Variants in C10orf90 observed in about 807,000 individuals in gnomAD.
C10orf90 encodes (E2-independent) E3 ubiquitin-conjugating enzyme FATS.
A neutral mutation model predicts 62.5 loss-of-function variants in C10orf90; 56 were observed. That is an observed-to-expected ratio of 0.90 (90% CI 0.72 to 1.12). The LOEUF (loss-of-function observed/expected upper bound fraction) is 1.12. Among genes scored for constraint, C10orf90 ranks in the 50% most tolerant of loss-of-function variants. The probability of loss-of-function intolerance (pLI) is 0.00; values close to 1 mark genes in which losing one functional copy is unlikely to be tolerated. For missense variants in C10orf90, 970 were observed against 880.4 expected (o/e 1.10, Z -1.29); for synonymous variants, 386 against 340.4 (o/e 1.13, Z -1.47).
chr10:126,462,148 T>A (rs149867310), intron 5 of C10orf90, among the ~76,000 whole-genome samples: 2,189 of 152,212 alleles, frequency 0.014, 44 homozygotes, highest in African/African-American at 0.049. Context: ...AATGAATGGA[T>A]CCAACAGCAT....
At chr10:126,486,497 G>A (rs1861441705) in intron 4 of C10orf90, among the ~76,000 whole-genome samples, 1 of 152,130 alleles carries the variant, frequency 6.6e-6, no homozygotes, top group African/African-American at 2.4e-5. Context: ...ACACACATAT[G>A]CCTCAGATAA....
intron 2 of C10orf90, among the ~76,000 whole-genome samples, chr10:126,565,326 TA>T (rs1264496465): frequency 8.2e-5 from 4 of 49,060 alleles, no homozygotes; most frequent in Non-Finnish European, 1.3e-4. Context: ...ATATATTATA[TA>T]TTTATATTAT....
intron 2 of C10orf90, among the ~76,000 whole-genome samples, chr10:126,595,259 G>T (rs563339326): frequency 1.8e-4 from 28 of 152,252 alleles, no homozygotes; most frequent in African/African-American, 6.3e-4. Context: ...ATTTCAGAAA[G>T]TGGGGAAAAG....
At chr10:126,624,408 C>T (rs1462197247) in intron 2 of C10orf90, among the ~76,000 whole-genome samples, 1 of 151,998 alleles carries the variant, frequency 6.6e-6, no homozygotes, top group South Asian at 2.1e-4. Context: ...AGGATGATGA[C>T]GAGATAGTAC....
chr10:126,480,583 C>T (rs1288882632), intron 4 of C10orf90, among the ~76,000 whole-genome samples: 3 of 152,240 alleles, frequency 2.0e-5, no homozygotes, highest in Admixed American at 6.5e-5. Flanking sequence ...GGTGAACATA[C>T]AGCGGCCTGC....
chr10:126,457,432 C>T lies in C10orf90; in HGVS notation c.2188+1608G>A, dbSNP rs542681418. Reference sequence around the variant, plus strand: ...CTTGTGGCTGGCAGAATGGCACAGCCGGGAGGTGCTGGCCCAGAAGAGGAG... The same window carrying T: ...CTTGTGGCTGGCAGAATGGCACAGCTGGGAGGTGCTGGCCCAGAAGAGGAG... On this transcript the variant is annotated intron_variant, in intron 7 of 9. Coordinates refer to ENST00000488181, the MANE Select transcript of C10orf90 (RefSeq NM_001350921.2). 1.4e-3 allele frequency among the ~76,000 whole-genome samples: 211 copies of T among 152,260 alleles called. 1 individual carries two copies. Among genetic ancestry groups the T allele is most frequent in the African/African-American group, 4.8e-3 (200 of 41,558 alleles).
chr10:126,614,248 T>C (rs549417115), intron 2 of C10orf90, among the ~76,000 whole-genome samples: 4 of 152,152 alleles, frequency 2.6e-5, no homozygotes, highest in African/African-American at 7.2e-5. Context: ...TAAAGTCTTA[T>C]CCTCACTTTA....
chr10:126,476,771 A>G (rs1470416398), intron 4 of C10orf90, among the ~76,000 whole-genome samples: 2 of 152,206 alleles, frequency 1.3e-5, no homozygotes, highest in Non-Finnish European at 2.9e-5. Context: ...CCTTGAGACC[A>G]CTTAGGTATA....
intron 2 of C10orf90, among the ~76,000 whole-genome samples, chr10:126,562,872 G>A (rs1591100232): frequency 6.6e-6 from 1 of 152,182 alleles, no homozygotes; most frequent in Non-Finnish European, 1.5e-5. Flanking sequence ...GGCTGCACTC[G>A]CACACAGCGC....
chr10:126,445,783 G>C (rs988445801), intron 7 of C10orf90, among the ~76,000 whole-genome samples: 1 of 141,250 alleles, frequency 7.1e-6, no homozygotes, highest in Non-Finnish European at 1.5e-5. Flanking sequence ...ATCAATTAAT[G>C]AGTAGATAAA....
chr10:126,484,250 C>T (rs1414398301), intron 4 of C10orf90, among the ~76,000 whole-genome samples: 2 of 152,040 alleles, frequency 1.3e-5, no homozygotes, highest in Non-Finnish European at 2.9e-5. Flanking sequence ...TATTTTGAGT[C>T]GTCACAACTA....
intron 1 of C10orf90, among the ~76,000 whole-genome samples, chr10:126,649,427 C>T (rs1229815715): frequency 1.3e-5 from 2 of 152,056 alleles, no homozygotes; most frequent in Non-Finnish European, 1.5e-5. Context: ...GGGCATCTCT[C>T]TCCTGTCACA....
intron 5 of C10orf90, among the ~76,000 whole-genome samples, chr10:126,463,569 C>G (rs1860123573): frequency 6.6e-6 from 1 of 152,188 alleles, no homozygotes; most frequent in Non-Finnish European, 1.5e-5. Context: ...CTGGCCCCAC[C>G]CTCTGCAGGT....
At chr10:126,537,834 C>T (rs1486182533) in intron 2 of C10orf90, among the ~76,000 whole-genome samples, 1 of 152,140 alleles carries the variant, frequency 6.6e-6, no homozygotes, top group Non-Finnish European at 1.5e-5. Context: ...GAAATCCTAA[C>T]CCCCAGTACC....
At chr10:126,661,999 T>A (rs1191603697) in intron 1 of C10orf90, among the ~76,000 whole-genome samples, 1 of 152,142 alleles carries the variant, frequency 6.6e-6, no homozygotes, top group African/African-American at 2.4e-5. Context: ...ATGAGTCATA[T>A]GCTCTGGATT....
At chr10:126,560,910 A>G (rs1284801805) in intron 2 of C10orf90, among the ~76,000 whole-genome samples, 5 of 152,254 alleles carry the variant, frequency 3.3e-5, no homozygotes, top group African/African-American at 4.8e-5. Flanking sequence ...TTTTAAATGT[A>G]GAAAACATGC....
intron 2 of C10orf90, among the ~76,000 whole-genome samples, chr10:126,631,644 A>G (rs1272059121): frequency 1.3e-5 from 2 of 151,924 alleles, no homozygotes. Flanking sequence ...AGTATTCAGT[A>G]AGAGGGGAAC....
At chr10:126,558,183 T>C (rs184803784) in intron 2 of C10orf90, among the ~76,000 whole-genome samples, 33 of 152,332 alleles carry the variant, frequency 2.2e-4, no homozygotes, top group Admixed American at 5.9e-4. Flanking sequence ...CAGGCCAGGC[T>C]ACCATCATCT....
intron 1 of C10orf90, among the ~76,000 whole-genome samples, chr10:126,654,688 C>T (rs550172608): frequency 2.8e-4 from 42 of 152,326 alleles, no homozygotes; most frequent in Non-Finnish European, 4.0e-4. Flanking sequence ...GTACAACAGG[C>T]GCAGCTTTCA....
Sources: allele counts gnomAD v4.1 joint callset (sites outside exome capture counted in the v4.1 genomes callset), GRCh38; gene constraint gnomAD v4.1.1; transcripts MANE v1.5; gene names NCBI Gene and HGNC (gene_info 2026-07-23, HGNC 2026-07-21).